TRMT44: variants seen among roughly 807,000 people sequenced by gnomAD.
The protein encoded by TRMT44 is tRNA methyltransferase 44 homolog, also known as probable tRNA (uracil-O(2)-)-methyltransferase.
A neutral mutation model predicts 77.3 loss-of-function variants in TRMT44; 78 were observed. The observed-to-expected ratio is 1.01, with a 90% CI of 0.84 to 1.22. The LOEUF is 1.22. Among genes scored for constraint, TRMT44 ranks in the 50% most tolerant of loss-of-function variants. The probability of loss-of-function intolerance (pLI) is 0.00; values close to 1 mark genes in which losing one functional copy is unlikely to be tolerated. For missense variants in TRMT44, 1,090 were observed against 964.4 expected, an observed-to-expected ratio of 1.13 and a Z score of -1.73; for synonymous variants, 391 against 383.3, an observed-to-expected ratio of 1.02 and a Z score of -0.23.
Position 8,441,286 on chromosome 4 carries a change from G to A in TRMT44, c.464G>A (p.Arg155His), listed in dbSNP as rs1255377522. 6 of 1,535,346 alleles carry A rather than the reference G, an allele frequency of 3.9e-6. No individual in the cohort carries two copies. The Admixed American group carries it at 7.9e-5, about 20-fold the overall frequency. Residue 155 changes from arginine (R) to histidine (H), a missense_variant, in exon 1 of 11, where the codon CGT (arginine) becomes CAT (histidine). Physicochemically the swap from Arg to His is conservative, Grantham distance 29. Coordinates refer to ENST00000389737, the MANE Select transcript of TRMT44 (RefSeq NM_152544.3). ...LWEDFSQSLA[R>H]GNSELLAFLT... ...GAGGATTTCTCCCAAAGTCTCGCCC[G>A]TGGCAATTCGGAGTTGCTGGCCTTC...
In TRMT44 at chr4:8,446,327, G is replaced by A. The variant is rs1725053462; in HGVS notation, c.620-149G>A. ...TGTGGGCTGTAGCAGTGAATGAAAG[G>A]CAAAAGTTCCTCTCCTGGAGTGCCA... On this transcript the variant is annotated intron_variant, in intron 1 of 10. Coordinates refer to ENST00000389737, the MANE Select transcript of TRMT44 (RefSeq NM_152544.3). The surrounding 1 kb of genome is among the most constrained non-coding windows in gnomAD (Gnocchi z 4.3). 6.7e-6 allele frequency: 4 copies of A among 598,868 alleles called. No individual in the cohort carries two copies. The highest frequency in any genetic ancestry group is 2.8e-5 in the East Asian group (1 of 35,338). 37.1% of individuals were successfully genotyped at this position (598,868 alleles called of 1,614,324 possible).
intron 6 of TRMT44, among the ~76,000 whole-genome samples, chr4:8,455,271 A>T (rs998946658): frequency 6.6e-6 from 1 of 152,218 alleles, no homozygotes; most frequent in African/African-American, 2.4e-5. Flanking sequence ...CAGGGCTGGG[A>T]TAGAAGGTTT....
chr4:8,476,396 A>T lies in TRMT44; in HGVS notation c.*395A>T. 1 of 213,054 alleles carries T rather than the reference A, an allele frequency of 4.7e-6. No homozygotes were observed. The highest frequency in any genetic ancestry group is 9.4e-5 in the South Asian group (1 of 10,650). 13.2% of individuals were successfully genotyped at this position (213,054 alleles called of 1,614,324 possible). On this transcript the variant is annotated 3_prime_UTR_variant, in exon 11 of 11. Transcript: ENST00000389737. ...TCTGTGAAGAGGATGGGGCTCCTCG[A>T]GAAGTAAGACCGTATCTGCCAGCGT...
chr4:8,469,896 C>T (rs1274138803), intron 9 of TRMT44, among the ~76,000 whole-genome samples: 1 of 152,266 alleles, frequency 6.6e-6, no homozygotes, highest in Non-Finnish European at 1.5e-5. Context: ...TCTCCAGGAC[C>T]TCACCCATCC....
intron 2 of TRMT44, chr4:8,482,256 G>C (rs1727639042): frequency 6.6e-6 from 1 of 152,160 alleles, no homozygotes; most frequent in Non-Finnish European, 1.5e-5. Context: ...GGAGTTGTTT[G>C]CCGTCCTAGC....
At chr4:8,443,840 A>G (rs1372220475) in intron 1 of TRMT44, among the ~76,000 whole-genome samples, 1 of 152,104 alleles carries the variant, frequency 6.6e-6, no homozygotes, top group African/African-American at 2.4e-5. Flanking sequence ...GGTGCCTGTA[A>G]TCCCAGCTAC....
intron 2 of TRMT44, among the ~76,000 whole-genome samples, chr4:8,491,951 T>A (rs1429155989): frequency 6.6e-6 from 1 of 152,262 alleles, no homozygotes; most frequent in Non-Finnish European, 1.5e-5. Context: ...CTGTGAGGAC[T>A]GCCAGCACGC....
the TRMT44 span, among the ~76,000 whole-genome samples, chr4:8,500,239 C>T: frequency 2.0e-5 from 3 of 152,132 alleles, no homozygotes; most frequent in East Asian, 5.8e-4. Flanking sequence ...TGCCTATAAT[C>T]CCTGCACTTC....
intron 6 of TRMT44, among the ~76,000 whole-genome samples, chr4:8,462,281 C>T (rs1252888076): frequency 6.6e-6 from 1 of 152,116 alleles, no homozygotes; most frequent in African/African-American, 2.4e-5. Flanking sequence ...TGAGATGGCG[C>T]ATGCCTGTAA....
intron 8 of TRMT44, among the ~76,000 whole-genome samples, chr4:8,467,601 C>T (rs1488997871): frequency 6.6e-6 from 1 of 152,208 alleles, no homozygotes; most frequent in Non-Finnish European, 1.5e-5. Flanking sequence ...CTGCCTCAGC[C>T]TCCTGAGTAG....
At chr4:8,471,541 G>A (rs1249156375) in intron 10 of TRMT44, among the ~76,000 whole-genome samples, 1 of 152,258 alleles carries the variant, frequency 6.6e-6, no homozygotes, top group African/African-American at 2.4e-5. Flanking sequence ...TTGGCTGGGG[G>A]TCATTGTTTG....
intron 6 of TRMT44, among the ~76,000 whole-genome samples, chr4:8,457,560 G>A (rs1725882780): frequency 6.6e-6 from 1 of 152,138 alleles, no homozygotes; most frequent in African/African-American, 2.4e-5. Context: ...GCCTCATTAT[G>A]CACAGTATTC....
chr4:8,489,465 T>C (rs948600372), intron 2 of TRMT44, among the ~76,000 whole-genome samples: 2 of 143,462 alleles, frequency 1.4e-5, no homozygotes, highest in African/African-American at 2.9e-5. Context: ...GTTTTCGTTT[T>C]GTTTTGTTTT....
the TRMT44 span, among the ~76,000 whole-genome samples, chr4:8,513,065 C>T: frequency 3.2e-4 from 49 of 152,140 alleles, 1 homozygote; most frequent in Non-Finnish European, 5.9e-4. Context: ...TACAGGTGCC[C>T]GCCACCACAC....
chr4:8,452,285 C>T lies in TRMT44; in HGVS notation c.1023+257C>T, dbSNP rs149825461. Among the ~76,000 whole-genome samples the T allele has an allele frequency of 3.2e-4, 49 of 152,344 alleles. No homozygotes were observed. The East Asian group carries it at 9.1e-3, about 28-fold the overall frequency. Reference sequence around the variant, plus strand: ...CTGTACGTCCACACTCAGCAGTCATCGTGGAGGCACCGGCTGGCACAGGGA... The same window carrying T: ...CTGTACGTCCACACTCAGCAGTCATTGTGGAGGCACCGGCTGGCACAGGGA... On this transcript the variant is annotated intron_variant, in intron 4 of 10. Transcript: ENST00000389737. This position sits in a 1 kb window ranked among gnomAD's most constrained non-coding sequence, Gnocchi z 5.7.
In TRMT44 at chr4:8,468,102, C is replaced by T. The variant is rs370420449; in HGVS notation, c.1683C>T (p.Asp561=). ...AGHCDGQQAL[D]ARVGCVTRAW... is the part of the protein sequence containing the mutation. ...ACTGTGACGGTCAGCAAGCTCTGGACGCCAGGGTCGGGTGTGTAACCAGGG... is the reference window on the plus strand; with the variant it reads ...ACTGTGACGGTCAGCAAGCTCTGGATGCCAGGGTCGGGTGTGTAACCAGGG... The change falls in exon 9 of 11, where the codon GAC becomes GAT. Residue 561 remains aspartate (D), a synonymous_variant. Transcript: ENST00000389737. The T allele has an allele frequency of 1.5e-5, 24 of 1,613,780 alleles. No homozygotes were observed. Among genetic ancestry groups the T allele is most frequent in the Middle Eastern group, 3.3e-4 (2 of 6,084 alleles).
intron 6 of TRMT44, among the ~76,000 whole-genome samples, chr4:8,460,493 CATAGAA>C (rs1726075192): frequency 6.6e-6 from 1 of 152,078 alleles, no homozygotes; most frequent in African/African-American, 2.4e-5. Context: ...CATATCATTT[CATAGAA>C]ATAGAAAATC....
chr4:8,483,087 C>T (rs950183902), intron 2 of TRMT44, among the ~76,000 whole-genome samples: 15 of 151,820 alleles, frequency 9.9e-5, no homozygotes, highest in African/African-American at 3.6e-4. Flanking sequence ...TTGGTGATGG[C>T]CTGGATACAG....
chr4:8,513,462 A>G, the TRMT44 span, among the ~76,000 whole-genome samples: 1 of 152,210 alleles, frequency 6.6e-6, no homozygotes, highest in Non-Finnish European at 1.5e-5. Context: ...TCAAGGTGAG[A>G]TTTGGATGAG....
Sources: gnomAD v4.1 joint callset for allele counts (sites outside exome capture counted in the v4.1 genomes callset) on GRCh38, gnomAD v4.1.1 for gene constraint, Gnocchi (gnomAD v3.1) non-coding constraint, MANE v1.5 for transcripts, NCBI Gene and HGNC (gene_info 2026-07-23, HGNC 2026-07-21) for gene names.